ZSWIM2: variants seen among roughly 807,000 people sequenced by gnomAD.
ZSWIM2 encodes the protein zinc finger SWIM-type containing 2, also known as E3 ubiquitin-protein ligase ZSWIM2.
Under a neutral mutation model 48.4 loss-of-function variants are expected in ZSWIM2, and 38 were observed. That is an observed-to-expected ratio of 0.79 (90% CI 0.61 to 1.03). The LOEUF (loss-of-function observed/expected upper bound fraction) is 1.03, where lower values mean the gene tolerates loss of function less well. ZSWIM2 is among the 50% of genes least tolerant of loss of function. The pLI, the probability that ZSWIM2 is intolerant of heterozygous loss-of-function variation, is 0.00. For missense variants in ZSWIM2, 776 were observed against 730.2 expected, an observed-to-expected ratio of 1.06 and a Z score of -0.72; for synonymous variants, 240 against 251.3, an observed-to-expected ratio of 0.96 and a Z score of 0.42.
intron 2 of ZSWIM2, among the ~76,000 whole-genome samples, chr2:186,845,175 A>T (rs577104506): frequency 6.6e-6 from 1 of 151,458 alleles, no homozygotes; most frequent in Admixed American, 6.6e-5. Flanking sequence ...TGATATAAAA[A>T]AATTTTTTTT....
At chr2:186,840,903 T>C (rs1691891494) in intron 3 of ZSWIM2, among the ~76,000 whole-genome samples, 1 of 151,442 alleles carries the variant, frequency 6.6e-6, no homozygotes, top group African/African-American at 2.4e-5. Context: ...TTATAATAAT[T>C]AAGAAATGTT....
chr2:186,835,730 T>G (rs1399499742), intron 5 of ZSWIM2, among the ~76,000 whole-genome samples: 3 of 152,144 alleles, frequency 2.0e-5, no homozygotes, highest in African/African-American at 7.2e-5. Flanking sequence ...CTAAAGGAAA[T>G]GGAAATAGTT....
intron 3 of ZSWIM2, 147 bp from the exon 4 acceptor site, chr2:186,839,316 T>G: frequency 1.8e-6 from 1 of 566,764 alleles, no homozygotes; most frequent in East Asian, 3.2e-5. Context: ...ACCCCTTCTT[T>G]ACATTTTTTT....
chr2:186,836,558 G>A lies in ZSWIM2; in HGVS notation c.743+748C>T, dbSNP rs1691796275. ...TTTTAATATATATATAAATTAGATT[G>A]GGCTCATCATAATGTAATTCAAGAA... is the stretch of plus-strand genomic sequence containing the variant. On this transcript the variant is annotated intron_variant, in intron 5 of 8. Coordinates refer to ENST00000295131, the MANE Select transcript of ZSWIM2 (RefSeq NM_182521.3). Among the ~76,000 whole-genome samples, 3 of 151,902 alleles carry A rather than the reference G, an allele frequency of 2.0e-5. No homozygotes were observed. The South Asian group carries it at 6.2e-4, about 32-fold the overall frequency.
chr2:186,843,332 TGA>T (rs879795068), intron 3 of ZSWIM2, among the ~76,000 whole-genome samples: 2 of 151,546 alleles, frequency 1.3e-5, no homozygotes, highest in Non-Finnish European at 3.0e-5. Flanking sequence ...ATGAAGGGAC[TGA>T]GAGAGAGGCT....
Position 186,839,106 on chromosome 2 carries a change from A to C in ZSWIM2, c.347T>G (p.Val116Gly), listed in dbSNP as rs773209386. Residue 116 changes from valine (V) to glycine (G), a missense_variant, in exon 4 of 9, where the codon GTT becomes GGT. Transcript: ENST00000295131. ...ISDLLRGIHR[V>G]QTPQPGTNDE... ...ATTTGTTCCTGGTTGGGGAGTTTGAACTCGATGTATCCCCCGAAGCAAGTC... is the reference window on the plus strand; with the variant it reads ...ATTTGTTCCTGGTTGGGGAGTTTGACCTCGATGTATCCCCCGAAGCAAGTC... The C allele has an allele frequency of 6.2e-7, 1 of 1,611,722 alleles. No individual in the cohort carries two copies. Among genetic ancestry groups the C allele is most frequent in the Non-Finnish European group, 8.5e-7 (1 of 1,178,406 alleles).
chr2:186,846,250 A>T (rs1396075080), intron 2 of ZSWIM2, among the ~76,000 whole-genome samples: 1 of 152,064 alleles, frequency 6.6e-6, no homozygotes, highest in Non-Finnish European at 1.5e-5. Context: ...AAGAGCTAAC[A>T]TCCTGAATCT....
intron 3 of ZSWIM2, among the ~76,000 whole-genome samples, chr2:186,840,989 T>A (rs1457028183): frequency 2.6e-5 from 4 of 151,512 alleles, no homozygotes. Context: ...GTGGAAGATG[T>A]TCAATTTTAT....
chr2:186,830,831 G>C (rs1691686007), intron 7 of ZSWIM2, among the ~76,000 whole-genome samples: 1 of 151,758 alleles, frequency 6.6e-6, no homozygotes, highest in Admixed American at 6.6e-5. Context: ...AAATCTTTAA[G>C]AGAAAAAAAA....
At chr2:186,837,612 G>GTATATATATATATATATTATA (rs1553517375) in intron 4 of ZSWIM2, 58 bp from the exon 5 acceptor site, 4 of 488,068 alleles carry the variant, frequency 8.2e-6, no homozygotes, top group African/African-American at 6.4e-5. Flanking sequence ...CATATCCATT[G>GTATATATATATATATATTATA]TATATATATA....
intron 3 of ZSWIM2, among the ~76,000 whole-genome samples, chr2:186,844,025 A>G (rs529711368): frequency 6.3e-4 from 95 of 151,818 alleles, no homozygotes; most frequent in Middle Eastern, 3.4e-3. Flanking sequence ...TGAATATCAG[A>G]AACATTTATT....
intron 6 of ZSWIM2, 94 bp from the exon 7 acceptor site, chr2:186,833,326 C>T (rs10188869): frequency 0.12 from 70,096 of 562,464 alleles, 6,521 homozygotes; most frequent in African/African-American, 0.39. Context: ...ATAATGTGAA[C>T]AATACACAAT....
At position 186,849,090 on chromosome 2, in the gene ZSWIM2, T is replaced by C. The variant is rs2105518303; in HGVS notation, c.41A>G (p.His14Arg). Residue 14 changes from histidine (H) to arginine (R), a missense_variant, in exon 1 of 9, where the codon CAC becomes CGC. Physicochemically the swap from His to Arg is conservative, Grantham distance 29. Transcript: ENST00000295131. ...RGYKASERRR[H>R]LSERLSWHQD... ...GTGCCAGCTGAGCCTCTCGCTCAAG[T>C]GTCTTCGCCTTTCAGAGGCCTTATA... is the stretch of plus-strand genomic sequence containing the variant. 2 of 1,614,044 alleles carry C rather than the reference T, an allele frequency of 1.2e-6. No homozygotes were observed. The highest frequency in any genetic ancestry group is 1.7e-6 in the Non-Finnish European group (2 of 1,179,988).
chr2:186,842,264 G>T (rs1012316604), intron 3 of ZSWIM2, among the ~76,000 whole-genome samples: 2 of 151,074 alleles, frequency 1.3e-5, no homozygotes, highest in African/African-American at 4.8e-5. Flanking sequence ...TTTCATGTAT[G>T]TTTATTCTAG....
rs1264213432 is a variant in ZSWIM2, at chr2:186,846,808, C to CATATATAT, written c.242+910_242+911insATATATAT. ...AAACATATATATATACACACACACACACATATATATATATATATAATGTAA... is the reference window on the plus strand; with the variant it reads ...AAACATATATATATACACACACACACATATATATACATATATATATATATATAATGTAA... On this transcript the variant is annotated intron_variant, in intron 2 of 8. Transcript: ENST00000295131. Among the ~76,000 whole-genome samples the CATATATAT allele has an allele frequency of 2.0e-3, 102 of 50,304 alleles. 1 individual carries two copies. Among genetic ancestry groups the CATATATAT allele is most frequent in the African/African-American group, 5.2e-3 (98 of 18,680 alleles). The allele number at this position is 50,304 out of a possible 152,430, so 33.0% of individuals were successfully genotyped here.
At chr2:186,836,877 T>C (rs531426812) in intron 5 of ZSWIM2, among the ~76,000 whole-genome samples, 48 of 152,252 alleles carry the variant, frequency 3.2e-4, no homozygotes, top group African/African-American at 1.2e-3. Flanking sequence ...GATTAAATAT[T>C]CAGTCAATCC....
chr2:186,828,943 G>T (rs1270630947), intron 8 of ZSWIM2, among the ~76,000 whole-genome samples, 153 bp from the exon 9 acceptor site: 1 of 151,958 alleles, frequency 6.6e-6, no homozygotes, highest in Non-Finnish European at 1.5e-5. Flanking sequence ...ATATTTTGAA[G>T]AAGTTAACTT....
intron 4 of ZSWIM2, 58 bp downstream of exon 4, chr2:186,838,901 A>G: frequency 2.0e-6 from 3 of 1,497,080 alleles, no homozygotes; most frequent in Middle Eastern, 2.2e-4. Context: ...GTAATAAATC[A>G]GAAATATGTT....
intron 6 of ZSWIM2, 118 bp from the exon 7 acceptor site, chr2:186,833,350 ATATT>A: frequency 2.0e-6 from 1 of 498,952 alleles, no homozygotes; most frequent in East Asian, 3.6e-5. Context: ...TTAAGCATAT[ATATT>A]ATTTTTCAAC....
Sources: allele counts gnomAD v4.1 joint callset (sites outside exome capture counted in the v4.1 genomes callset), GRCh38; gene constraint gnomAD v4.1.1; transcripts MANE v1.5; gene names NCBI Gene and HGNC (gene_info 2026-07-23, HGNC 2026-07-21).